Variants in SLC30A3 observed in about 807,000 individuals in gnomAD.
SLC30A3 encodes the protein probable proton-coupled zinc antiporter SLC30A3.
A neutral mutation model predicts 35.6 loss-of-function variants in SLC30A3; 20 were observed. The observed-to-expected ratio is 0.56, with a 90% CI of 0.39 to 0.82. SLC30A3 has a LOEUF of 0.82. SLC30A3 is among the 40% of genes least tolerant of loss of function. The pLI is 0.00. For synonymous variants in SLC30A3, 217 were observed against 224.7 expected (o/e 0.97, Z 0.31); for missense variants, 401 against 530.6 (o/e 0.76, Z 2.40).
At chr2:27,260,200 G>A (rs374200565) in intron 1 of SLC30A3, among the ~76,000 whole-genome samples, 22 of 152,226 alleles carry the variant, frequency 1.4e-4, no homozygotes, top group South Asian at 4.2e-4. Flanking sequence ...TTTAAGAGAC[G>A]AGCGGGACAT....
At chr2:27,270,477 G>A (rs756347497) in intron 1 of SLC30A3, among the ~76,000 whole-genome samples, 18 of 149,486 alleles carry the variant, frequency 1.2e-4, no homozygotes, top group Non-Finnish European at 2.4e-4. Context: ...GGAGGGGAAG[G>A]ACCCTGATTT....
Position 27,257,607 on chromosome 2 carries a change from T to C in SLC30A3, c.579-255A>G, listed in dbSNP as rs1166046158. The C allele has an allele frequency of 1.7e-6, 1 of 600,772 alleles. No individual in the cohort carries two copies. The highest frequency in any genetic ancestry group is 2.8e-5 in the East Asian group (1 of 36,020). 37.2% of individuals were successfully genotyped at this position (600,772 alleles called of 1,614,324 possible). On this transcript the variant is annotated intron_variant, in intron 4 of 7. Coordinates refer to ENST00000233535, the MANE Select transcript of SLC30A3 (RefSeq NM_003459.5). This position sits in a 1 kb window ranked among gnomAD's most constrained non-coding sequence, Gnocchi z 4.7. ...CACCTGTTGGGATTGACTGCATTAA[T>C]GGTAAACTAGGGGTAATGCTACCTA...
chr2:27,255,008 C>A lies in SLC30A3; in HGVS notation c.*304G>T. Reference sequence around the variant, plus strand: ...CAGGGAAAGGATGTTCGTGGCTCCACATGAACCATGGGGAGATGGCACCAC... The same window carrying A: ...CAGGGAAAGGATGTTCGTGGCTCCAAATGAACCATGGGGAGATGGCACCAC... On this transcript the variant is annotated 3_prime_UTR_variant, in exon 8 of 8. Coordinates refer to ENST00000233535, the MANE Select transcript of SLC30A3 (RefSeq NM_003459.5). This position sits in a 1 kb window ranked among gnomAD's most constrained non-coding sequence, Gnocchi z 5.2. 8.2e-7 allele frequency: 1 copy of A among 1,224,840 alleles called. No individual in the cohort carries two copies. The allele number at this position is 1,224,840 out of a possible 1,614,324, so 75.9% of individuals were successfully genotyped here.
At chr2:27,264,898 C>A (rs1423002339), upstream of SLC30A3, among the ~76,000 whole-genome samples, 1 of 152,196 alleles carries the variant, frequency 6.6e-6, no homozygotes, top group Non-Finnish European at 1.5e-5. The surrounding 1 kb of genome is among the most constrained non-coding windows in gnomAD (Gnocchi z 6.1). Flanking sequence ...GTACGTCGGG[C>A]CCGGCGCCGT....
chr2:27,273,845 G>A (rs147527684), intron 1 of SLC30A3, among the ~76,000 whole-genome samples: 2 of 151,290 alleles, frequency 1.3e-5, no homozygotes, highest in East Asian at 3.9e-4. Context: ...GAAATGAGCT[G>A]GTTTGTTCTG....
intron 1 of SLC30A3, among the ~76,000 whole-genome samples, chr2:27,273,980 C>A (rs1335317440): frequency 1.3e-5 from 2 of 152,172 alleles, no homozygotes; most frequent in Non-Finnish European, 2.9e-5. Context: ...AAGGAGCTGG[C>A]GCAATGGGGG....
chr2:27,259,003 T>G, intron 1 of SLC30A3, 69 bp from the exon 2 acceptor site: 2 of 1,295,510 alleles, frequency 1.5e-6, no homozygotes, highest in East Asian at 4.8e-5. Flanking sequence ...ACGTCCTTAG[T>G]CCCCAGTGCT....
At position 27,258,568 on chromosome 2, in the gene SLC30A3, G is replaced by A. The variant is rs188664238; in HGVS notation, c.277+185C>T. 43 of 704,120 alleles carry A rather than the reference G, an allele frequency of 6.1e-5. No homozygotes were observed. The highest frequency in any genetic ancestry group is 7.8e-5 in the Non-Finnish European group (34 of 434,346). The allele number at this position is 704,120 out of a possible 1,614,324, so 43.6% of individuals were successfully genotyped here. ...CCCTGACCTACTGGCCCCGGACCTC[G>A]GCTGGAATTCCCTTTGTTGCTGTCC... On this transcript the variant is annotated intron_variant, in intron 2 of 7. Transcript: ENST00000233535. The surrounding 1 kb of genome is among the most constrained non-coding windows in gnomAD (Gnocchi z 4.0).
chr2:27,269,493 C>A (rs1677640704), intron 1 of SLC30A3, among the ~76,000 whole-genome samples: 1 of 151,916 alleles, frequency 6.6e-6, no homozygotes, highest in Non-Finnish European at 1.5e-5. Flanking sequence ...AGGTGTGAGC[C>A]ACCACACCTG....
At chr2:27,265,069 G>C (rs1039438584), upstream of SLC30A3, among the ~76,000 whole-genome samples, 1 of 152,246 alleles carries the variant, frequency 6.6e-6, no homozygotes, top group East Asian at 1.9e-4. The surrounding 1 kb of genome is among the most constrained non-coding windows in gnomAD (Gnocchi z 5.9). Flanking sequence ...AAACTGCGGG[G>C]TCCTATGCGG....
intron 1 of SLC30A3, among the ~76,000 whole-genome samples, chr2:27,261,610 G>A (rs568043379): frequency 1.6e-4 from 24 of 152,326 alleles, no homozygotes; most frequent in African/African-American, 5.3e-4. Flanking sequence ...CTGTTGGTGT[G>A]TGGGGGTGTG....
chr2:27,263,112 C>T (rs1677313160), upstream of SLC30A3: 1 of 1,345,852 alleles, frequency 7.4e-7, no homozygotes. Flanking sequence ...GTGGGGCGAG[C>T]TCCCCAAGCT....
intron 1 of SLC30A3, among the ~76,000 whole-genome samples, chr2:27,261,732 G>A (rs1256093356): frequency 2.6e-5 from 4 of 152,060 alleles, no homozygotes; most frequent in African/African-American, 7.2e-5. Context: ...GAGGGGTGAC[G>A]TAGCAGGGGC....
chr2:27,274,542 A>T (rs1461188760), intron 1 of SLC30A3, among the ~76,000 whole-genome samples: 1 of 152,174 alleles, frequency 6.6e-6, no homozygotes, highest in Non-Finnish European at 1.5e-5. Flanking sequence ...TGATGCAAAC[A>T]CTACCTCCTG....
intron 1 of SLC30A3, among the ~76,000 whole-genome samples, chr2:27,274,901 G>A (rs1216600727): frequency 6.6e-6 from 1 of 152,110 alleles, no homozygotes; most frequent in African/African-American, 2.4e-5. Context: ...TTTGAAGCAC[G>A]GTAGTGACTT....
In SLC30A3 at chr2:27,255,505, G is replaced by T; in HGVS notation, c.1019-45C>A. 1 of 1,599,242 alleles carries T rather than the reference G, an allele frequency of 6.3e-7. No individual in the cohort carries two copies. Among genetic ancestry groups the T allele is most frequent in the Non-Finnish European group, 8.5e-7 (1 of 1,173,402 alleles). On this transcript the variant is annotated intron_variant, in intron 7 of 7. Transcript: ENST00000233535. The surrounding 1 kb of genome is among the most constrained non-coding windows in gnomAD (Gnocchi z 5.2). ...GGCGGCATCCATCCCGGGGGAGAAA[G>T]AACAGGCAGGGACTGAGATAAGGAC...
chr2:27,256,270 G>A, intron 7 of SLC30A3, 116 bp downstream of exon 7: 1 of 1,206,900 alleles, frequency 8.3e-7, no homozygotes, highest in Non-Finnish European at 1.2e-6. Flanking sequence ...GAGAGACACA[G>A]AGAAACAGAG....
chr2:27,260,203 C>A (rs746321855), intron 1 of SLC30A3, among the ~76,000 whole-genome samples: 1 of 152,028 alleles, frequency 6.6e-6, no homozygotes, highest in Non-Finnish European at 1.5e-5. Context: ...AAGAGACGAG[C>A]GGGACATTGG....
Position 27,257,076 on chromosome 2 carries a change from A to T in SLC30A3, c.777+78T>A. On this transcript the variant is annotated intron_variant, in intron 5 of 7. Coordinates refer to ENST00000233535, the MANE Select transcript of SLC30A3 (RefSeq NM_003459.5). This position sits in a 1 kb window ranked among gnomAD's most constrained non-coding sequence, Gnocchi z 4.7. ...GAGGAGCTGGAGGGAGGAGGAAGGA[A>T]GCTTTGGGACCTGGGAAGGAGTGGG... is the stretch of plus-strand genomic sequence containing the variant. 2 of 1,432,194 alleles carry T rather than the reference A, an allele frequency of 1.4e-6. No homozygotes were observed. Among genetic ancestry groups the T allele is most frequent in the Non-Finnish European group, 2.0e-6 (2 of 1,017,842 alleles). The allele number at this position is 1,432,194 out of a possible 1,614,324, so 88.7% of individuals were successfully genotyped here.
Sources: allele counts gnomAD v4.1 joint callset (sites outside exome capture counted in the v4.1 genomes callset), GRCh38; gene constraint gnomAD v4.1.1; non-coding constraint Gnocchi (gnomAD v3.1); transcripts MANE v1.5; gene names NCBI Gene and HGNC (gene_info 2026-07-23, HGNC 2026-07-21).